The following BBX variants were observed in gnomAD, a reference collection of about 807,000 sequenced individuals.
BBX encodes the protein BBX high mobility group box domain containing.
A neutral mutation model predicts 100.2 loss-of-function variants in BBX; 30 were observed. The ratio of observed to expected loss-of-function variants is 0.30; its 90% confidence interval spans 0.22 to 0.41. The LOEUF is 0.41. BBX is among the 10% of genes least tolerant of loss of function. The pLI is 1.00. For synonymous variants in BBX, 376 were observed against 388.1 expected, an observed-to-expected ratio of 0.97 and a Z score of 0.37; for missense variants, 1,023 against 1,129.8, an observed-to-expected ratio of 0.91 and a Z score of 1.35.
At chr3:107,613,103 T>C (rs533631527) in intron 2 of BBX, among the ~76,000 whole-genome samples, 1 of 152,050 alleles carries the variant, frequency 6.6e-6, no homozygotes, top group South Asian at 2.1e-4. Flanking sequence ...TTTAGTCAGC[T>C]TGTGGTGAAT....
chr3:107,558,744 G>A (rs1474400362), intron 2 of BBX, among the ~76,000 whole-genome samples: 1 of 152,162 alleles, frequency 6.6e-6, no homozygotes, highest in East Asian at 1.9e-4. Flanking sequence ...CTAGCTTAAA[G>A]TTCCACAGCT....
intron 3 of BBX, among the ~76,000 whole-genome samples, chr3:107,672,238 G>T (rs1274983635): frequency 6.6e-6 from 1 of 151,984 alleles, no homozygotes; most frequent in African/African-American, 2.4e-5. Flanking sequence ...TTATATAACT[G>T]TTAGTGCAGG....
chr3:107,766,186 G>T (rs1471436229), intron 10 of BBX, among the ~76,000 whole-genome samples: 1 of 152,166 alleles, frequency 6.6e-6, no homozygotes, highest in East Asian at 1.9e-4. Flanking sequence ...ATGTCTGTCT[G>T]TCTCTCCACA....
chr3:107,640,108 G>T (rs752798079), intron 2 of BBX, among the ~76,000 whole-genome samples: 8 of 152,166 alleles, frequency 5.3e-5, no homozygotes, highest in Non-Finnish European at 7.4e-5. Flanking sequence ...TGTAGGGATT[G>T]TTATCCCAAT....
chr3:107,616,639 T>G (rs2055309329), intron 2 of BBX, among the ~76,000 whole-genome samples: 1 of 152,132 alleles, frequency 6.6e-6, no homozygotes, highest in Non-Finnish European at 1.5e-5. Flanking sequence ...TGAATTTGCA[T>G]TTTTGTGATG....
At chr3:107,617,180 G>T (rs1406367327) in intron 2 of BBX, among the ~76,000 whole-genome samples, 1 of 151,956 alleles carries the variant, frequency 6.6e-6, no homozygotes, top group Non-Finnish European at 1.5e-5. Flanking sequence ...TTGGACCTGG[G>T]TTAAAAAGAA....
At chr3:107,681,457 T>A (rs2059570266) in intron 3 of BBX, among the ~76,000 whole-genome samples, 1 of 152,082 alleles carries the variant, frequency 6.6e-6, no homozygotes, top group South Asian at 2.1e-4. Flanking sequence ...TGTTTAGAAA[T>A]TCGTGGGACA....
At chr3:107,748,677 A>G (rs2064821626) in intron 9 of BBX, among the ~76,000 whole-genome samples, 2 of 152,178 alleles carry the variant, frequency 1.3e-5, no homozygotes, top group Non-Finnish European at 1.5e-5. Flanking sequence ...CCTCAACCAT[A>G]TGCTCATTTC....
At chr3:107,757,513 A>G (rs1249402731) in intron 10 of BBX, among the ~76,000 whole-genome samples, 1 of 152,228 alleles carries the variant, frequency 6.6e-6, no homozygotes, top group East Asian at 1.9e-4. Context: ...ACATTTGAGC[A>G]AAGATTTATA....
intron 2 of BBX, among the ~76,000 whole-genome samples, chr3:107,615,621 C>A (rs1398773702): frequency 6.6e-6 from 1 of 151,998 alleles, no homozygotes; most frequent in Admixed American, 6.6e-5. Flanking sequence ...TTCAACCTGG[C>A]AATTTTGAAG....
At chr3:107,730,572 AT>A (rs2063252308) in intron 6 of BBX, among the ~76,000 whole-genome samples, 1 of 151,744 alleles carries the variant, frequency 6.6e-6, no homozygotes, top group Non-Finnish European at 1.5e-5. Context: ...TATGAAAGAT[AT>A]CTTTTTTGAA....
chr3:107,604,297 G>A (rs141860003), intron 2 of BBX, among the ~76,000 whole-genome samples: 15 of 152,136 alleles, frequency 9.9e-5, no homozygotes, highest in South Asian at 4.2e-4. Context: ...CTCTTAGGTC[G>A]GAACTCTTCT....
In BBX at chr3:107,728,950, T is replaced by C. The variant is rs751906186; in HGVS notation, c.591T>C (p.Phe197=). ...CTGAAGAAATGCCTCAGCTTAACTT[T>C]GGAATGGCTGGTGAGTTGAGACACT... ...AKTEEMPQLN[F]GMADPTQMGG... Residue 197 remains phenylalanine, a synonymous_variant, in exon 6 of 18, where the codon TTT becomes TTC. Transcript: ENST00000325805. 3.7e-6 allele frequency: 6 copies of C among 1,613,150 alleles called. No homozygotes were observed. In the Admixed American group the frequency reaches 8.3e-5, roughly 22 times the overall value.
chr3:107,657,457 G>A (rs544258822), intron 3 of BBX, among the ~76,000 whole-genome samples: 1 of 152,254 alleles, frequency 6.6e-6, no homozygotes, highest in South Asian at 2.1e-4. Context: ...TCTTGAATAT[G>A]AAGTCTAGGT....
chr3:107,670,469 A>T (rs1177706827), intron 3 of BBX, among the ~76,000 whole-genome samples: 1 of 152,074 alleles, frequency 6.6e-6, no homozygotes, highest in African/African-American at 2.4e-5. Flanking sequence ...AGGACAATGG[A>T]TATGCAATAA....
rs527292135 is a variant in BBX at position 107,777,624 on chromosome 3, C to T, written c.2055-747C>T. On this transcript the variant is annotated intron_variant, in intron 12 of 17. Coordinates refer to ENST00000325805, the MANE Select transcript of BBX (RefSeq NM_001142568.3). ...AGGCATGTTGCCATTGCTGTGGGAC[C>T]CTAGAGACAGTCAGCACCAGCCCAG... 1.2e-4 allele frequency among the ~76,000 whole-genome samples: 19 copies of T among 152,238 alleles called. 1 individual carries two copies. The South Asian group carries it at 2.5e-3, about 20-fold the overall frequency.
chr3:107,790,576 A>G (rs956874269), intron 14 of BBX, among the ~76,000 whole-genome samples: 6 of 152,128 alleles, frequency 3.9e-5, no homozygotes, highest in Non-Finnish European at 8.8e-5. Context: ...CAGGACTCCT[A>G]TTCTTATTTC....
rs749721550 is a variant in BBX, at chr3:107,762,317, C to T, written c.906+6639C>T. 9.2e-5 allele frequency among the ~76,000 whole-genome samples: 14 copies of T among 152,234 alleles called. 1 individual carries two copies. Among genetic ancestry groups the T allele is most frequent in the South Asian group, 8.3e-4 (4 of 4,824 alleles). ...GAGTAAAGAAAAATATTTAAATCACCGTTTCACCTAGTCCAGTTGTTGCAG... is the reference window on the plus strand; with the variant it reads ...GAGTAAAGAAAAATATTTAAATCACTGTTTCACCTAGTCCAGTTGTTGCAG... On this transcript the variant is annotated intron_variant, in intron 10 of 17. Transcript: ENST00000325805.
At chr3:107,799,342 G>A (rs1158796795) in intron 16 of BBX, among the ~76,000 whole-genome samples, 2 of 152,114 alleles carry the variant, frequency 1.3e-5, no homozygotes, top group Admixed American at 6.5e-5. Context: ...ATGACTGTAA[G>A]CAACTGTGGT....
Sources: allele counts gnomAD v4.1 joint callset (sites outside exome capture counted in the v4.1 genomes callset), GRCh38; gene constraint gnomAD v4.1.1; transcripts MANE v1.5; gene names NCBI Gene and HGNC (gene_info 2026-07-23, HGNC 2026-07-21).